The following PITX3 variants were observed in gnomAD, a reference collection of about 807,000 sequenced individuals.
PITX3 encodes the protein pituitary homeobox 3.
Under a neutral mutation model 14.2 loss-of-function variants are expected in PITX3, and 4 were observed. That is an observed-to-expected ratio of 0.28 (90% CI 0.14 to 0.65). The LOEUF is 0.65. Ranked by LOEUF, PITX3 falls within the 30% of genes least tolerant of loss-of-function variation. The pLI is 0.82. For missense variants in PITX3, 358 were observed against 426.8 expected (o/e 0.84, Z 1.42); for synonymous variants, 194 against 204.5 (o/e 0.95, Z 0.44).
intron 1 of PITX3, among the ~76,000 whole-genome samples, chr10:102,237,577 C>T (rs1272980113): frequency 6.6e-6 from 1 of 151,992 alleles, no homozygotes; most frequent in African/African-American, 2.4e-5. Context: ...TGAGCAACAG[C>T]CCTGAATAAA....
At position 102,232,233 on chromosome 10, in the gene PITX3, G is replaced by A. The variant is rs912975240; in HGVS notation, c.-12-141C>T. 7 of 630,954 alleles carry A rather than the reference G, an allele frequency of 1.1e-5. No homozygotes were observed. In the African/African-American group the frequency reaches 1.3e-4, roughly 11 times the overall value. The allele number at this position is 630,954 out of a possible 1,614,324, so 39.1% of individuals were successfully genotyped here. A position where few individuals can be genotyped will look rare whatever the true frequency, so the allele number is the denominator to read the frequency against. Reference sequence around the variant, plus strand: ...AGCTGGGGCTGCGTGGGGCTCCTTAGGATAGAATCGGGAAATAGCATCCTA... The same window carrying A: ...AGCTGGGGCTGCGTGGGGCTCCTTAAGATAGAATCGGGAAATAGCATCCTA... On this transcript the variant is annotated intron_variant, in intron 1 of 3. Transcript: ENST00000370002.
At chr10:102,235,079 G>A (rs2070349382) in intron 1 of PITX3, among the ~76,000 whole-genome samples, 1 of 152,038 alleles carries the variant, frequency 6.6e-6, no homozygotes, top group Non-Finnish European at 1.5e-5. Flanking sequence ...GCCACATCCA[G>A]GCAGACAGAC....
Position 102,230,953 on chromosome 10 carries a change from G to C in PITX3, c.470C>G (p.Pro157Arg), listed in dbSNP as rs887731330. Reference protein sequence around the residue: ...VYPGYSYGNWPPKALAPPLAA... With the variant: ...VYPGYSYGNWRPKALAPPLAA... Reference sequence around the variant, plus strand: ...GAGCGGCGGGGCAAGAGCCTTGGGCGGCCAGTTGCCGTACGAGTAGCCGGG... The same window carrying C: ...GAGCGGCGGGGCAAGAGCCTTGGGCCGCCAGTTGCCGTACGAGTAGCCGGG... The change falls in exon 4 of 4, where the codon CCG (proline) becomes CGG (arginine). Residue 157 changes from proline to arginine, a missense_variant. By Grantham distance (103) the Pro-to-Arg change is moderately radical. Coordinates refer to ENST00000370002, the MANE Select transcript of PITX3 (RefSeq NM_005029.4). 6.2e-7 allele frequency: 1 copy of C among 1,608,224 alleles called. No individual in the cohort carries two copies. Among genetic ancestry groups the C allele is most frequent in the Non-Finnish European group, 8.5e-7 (1 of 1,178,100 alleles).
rs766505330 is a variant in PITX3, at chr10:102,230,683, G to A, written c.740C>T (p.Ala247Val). Residue 247 changes from alanine (A) to valine (V), a missense_variant, in exon 4 of 4, where the codon GCG (alanine) becomes GTG (valine). By Grantham distance (64) the Ala-to-Val change is moderately conservative. Coordinates refer to ENST00000370002, the MANE Select transcript of PITX3 (RefSeq NM_005029.4). ...GACGTAGGGGGAAGAGGCGGCAGCC[G>A]CGGCGGCGGCGGCGGCCGAGGCATA... Reference protein sequence around the residue: ...CPYASAAAAAAAAASSPYVYR... With the variant: ...CPYASAAAAAVAAASSPYVYR... 12 of 1,547,808 alleles carry A rather than the reference G, an allele frequency of 7.8e-6. No individual in the cohort carries two copies. In the East Asian group the frequency reaches 1.7e-4, roughly 22 times the overall value.
At chr10:102,237,976 G>A (rs2070444075) in intron 1 of PITX3, among the ~76,000 whole-genome samples, 1 of 152,032 alleles carries the variant, frequency 6.6e-6, no homozygotes, top group Non-Finnish European at 1.5e-5. Context: ...GCATCTTTGT[G>A]ACCTTTATTT....
intron 1 of PITX3, among the ~76,000 whole-genome samples, chr10:102,238,458 G>T (rs1385492798): frequency 1.3e-5 from 2 of 152,216 alleles, no homozygotes; most frequent in Non-Finnish European, 2.9e-5. Context: ...GCTCCCCAGA[G>T]TTCTCAGACA....
chr10:102,236,750 A>G (rs1009132790), intron 1 of PITX3, among the ~76,000 whole-genome samples: 6 of 152,218 alleles, frequency 3.9e-5, no homozygotes, highest in African/African-American at 1.4e-4. Flanking sequence ...AGAGCCCACA[A>G]TCGGTTGCAA....
chr10:102,230,619 C>G lies in PITX3; in HGVS notation c.804G>C (p.Arg268=). 6.2e-7 allele frequency: 1 copy of G among 1,609,622 alleles called. No individual in the cohort carries two copies. The highest frequency in any genetic ancestry group is 8.5e-7 in the Non-Finnish European group (1 of 1,178,258). Residue 268 remains arginine (R), a synonymous_variant, in exon 4 of 4, where the codon CGG becomes CGC. Transcript: ENST00000370002. ...AGGAGGCGTGCTGTTTGGCTTTGAGCCGCAGGCTGGCCAGGCTCGAGTTAC... is the reference window on the plus strand; with the variant it reads ...AGGAGGCGTGCTGTTTGGCTTTGAGGCGCAGGCTGGCCAGGCTCGAGTTAC... ...DPCNSSLASL[R]LKAKQHASFS...
intron 1 of PITX3, among the ~76,000 whole-genome samples, chr10:102,236,644 A>G (rs1050386883): frequency 2.6e-5 from 4 of 152,206 alleles, no homozygotes; most frequent in African/African-American, 9.7e-5. Flanking sequence ...TGGGGAGGCC[A>G]TGGTTTCCAA....
At position 102,230,348 on chromosome 10, in the gene PITX3, C is replaced by T; in HGVS notation, c.*166G>A. ...GTCTGTGTGTAGGGCCTAGTCCACC[C>T]CTCAGGGCTGGGAGGGGAAGGCCCT... is the stretch of plus-strand genomic sequence containing the variant. On this transcript the variant is annotated 3_prime_UTR_variant, in exon 4 of 4. Coordinates refer to ENST00000370002, the MANE Select transcript of PITX3 (RefSeq NM_005029.4). 9.3e-7 allele frequency: 1 copy of T among 1,079,586 alleles called. No homozygotes were observed. The highest frequency in any genetic ancestry group is 1.3e-6 in the Non-Finnish European group (1 of 767,578). 66.9% of individuals were successfully genotyped at this position (1,079,586 alleles called of 1,614,324 possible). A position where few individuals can be genotyped will look rare whatever the true frequency, so the allele number is the denominator to read the frequency against.
Position 102,234,937 on chromosome 10 carries a change from C to T in PITX3, c.-12-2845G>A, listed in dbSNP as rs948589524. ...CGAGGAAAAGCCGAGGCCAGAAAGC[C>T]GAGTTCAGGCTGCGTGTTCCCAGAG... On this transcript the variant is annotated intron_variant, in intron 1 of 3. Coordinates refer to ENST00000370002, the MANE Select transcript of PITX3 (RefSeq NM_005029.4). Among the ~76,000 whole-genome samples the T allele has an allele frequency of 1.2e-4, 19 of 152,272 alleles. No homozygotes were observed. The East Asian group carries it at 1.5e-3, about 12-fold the overall frequency.
At position 102,230,320 on chromosome 10, in the gene PITX3, G is replaced by T; in HGVS notation, c.*194C>A. 1.4e-6 allele frequency: 1 copy of T among 738,784 alleles called. No homozygotes were observed. The highest frequency in any genetic ancestry group is 2.0e-6 in the Non-Finnish European group (1 of 494,142). 45.8% of individuals were successfully genotyped at this position (738,784 alleles called of 1,614,324 possible). A position where few individuals can be genotyped will look rare whatever the true frequency, so the allele number is the denominator to read the frequency against. On this transcript the variant is annotated 3_prime_UTR_variant, in exon 4 of 4. Transcript: ENST00000370002. ...TGTTCCTGGCTTTAGTCCCAGGGGC[G>T]CGGTCTGTGTGTAGGGCCTAGTCCA...
intron 1 of PITX3, among the ~76,000 whole-genome samples, chr10:102,236,454 C>T (rs1337938255): frequency 6.6e-6 from 1 of 152,184 alleles, no homozygotes; most frequent in Non-Finnish European, 1.5e-5. Flanking sequence ...ATGTGTGGCC[C>T]AGTCCCACTG....
chr10:102,231,122 C>A, intron 3 of PITX3, 21 bp from the exon 4 acceptor site: 9 of 1,507,742 alleles, frequency 6.0e-6, no homozygotes, highest in Non-Finnish European at 7.9e-6. Flanking sequence ...GGGAGAAAGG[C>A]GGTCAGGGCC....
In PITX3 at chr10:102,241,080, C is replaced by G. The variant is rs149691625; in HGVS notation, c.-13+253G>C. ...CTCCCTACTCCCTGCCTCGCGAAGC[C>G]CCTATCCTGGTTTCAAGTCTCCGGC... On this transcript the variant is annotated intron_variant, in intron 1 of 3. Transcript: ENST00000370002. This position sits in a 1 kb window ranked among gnomAD's most constrained non-coding sequence, Gnocchi z 6.7. Among the ~76,000 whole-genome samples the G allele has an allele frequency of 2.6e-5, 4 of 152,146 alleles. No homozygotes were observed. Among genetic ancestry groups the G allele is most frequent in the Admixed American group, 2.6e-4 (4 of 15,288 alleles).
rs2070282514 is a variant in PITX3 at position 102,232,727 on chromosome 10, C to CT, written c.-12-636dup. Among the ~76,000 whole-genome samples the CT allele has an allele frequency of 3.3e-5, 5 of 152,254 alleles. No homozygotes were observed. In the South Asian group the frequency reaches 1.0e-3, roughly 32 times the overall value. ...TCTACACTATAGCACGCTACATACC[C>CT]TATACTACATCTGCAAAAACTTAAA... is the stretch of plus-strand genomic sequence containing the variant. On this transcript the variant is annotated intron_variant, in intron 1 of 3. Coordinates refer to ENST00000370002, the MANE Select transcript of PITX3 (RefSeq NM_005029.4).
At chr10:102,232,348 A>G (rs1477484838) in intron 1 of PITX3, among the ~76,000 whole-genome samples, 1 of 152,204 alleles carries the variant, frequency 6.6e-6, no homozygotes, top group East Asian at 1.9e-4. Flanking sequence ...GAACTGTGCC[A>G]GGTATACAGT....
At chr10:102,240,048 G>T (rs1283339085) in intron 1 of PITX3, among the ~76,000 whole-genome samples, 2 of 152,218 alleles carry the variant, frequency 1.3e-5, no homozygotes, top group Non-Finnish European at 2.9e-5. Flanking sequence ...CAGGACCACA[G>T]GATTTGCTTT....
rs966146523 is a variant in PITX3 at position 102,230,873 on chromosome 10, A to T, written c.550T>A (p.Ser184Thr). 16 of 1,607,110 alleles carry T rather than the reference A, an allele frequency of 1.0e-5. No individual in the cohort carries two copies. The highest frequency in any genetic ancestry group is 1.3e-5 in the Non-Finnish European group (15 of 1,177,394). Residue 184 changes from serine to threonine, a missense_variant, in exon 4 of 4, where the codon TCG becomes ACG. Physicochemically the swap from Ser to Thr is moderately conservative, Grantham distance 58 (BLOSUM62 1). This residue lies in a region of PITX3 where 236 missense variants were observed against 250.2 expected (regional missense o/e 0.94). Coordinates refer to ENST00000370002, the MANE Select transcript of PITX3 (RefSeq NM_005029.4). ...FNSVNVGPLA[S>T]QPVFSPPSSI... ...CTGGGTGGCGAGAAGACGGGCTGCG[A>T]AGCCAGAGGCCCCACGTTGACCGAG...
Sources: allele counts gnomAD v4.1 joint callset (sites outside exome capture counted in the v4.1 genomes callset), GRCh38; gene constraint gnomAD v4.1.1; regional missense constraint gnomAD v4.1.1; non-coding constraint Gnocchi (gnomAD v3.1); transcripts MANE v1.5; gene names NCBI Gene and HGNC (gene_info 2026-07-23, HGNC 2026-07-21).